ANKRD28: variants seen among roughly 807,000 people sequenced by gnomAD.
ANKRD28 encodes ankyrin repeat domain 28.
A neutral mutation model predicts 126.5 loss-of-function variants in ANKRD28; 44 were observed. The ratio of observed to expected loss-of-function variants is 0.35; its 90% CI spans 0.27 to 0.45. ANKRD28 has a LOEUF of 0.45. ANKRD28 is among the 20% of genes least tolerant of loss of function. The probability of loss-of-function intolerance (pLI) is 1.00; values close to 1 mark genes in which losing one functional copy is unlikely to be tolerated. For missense variants in ANKRD28, 1,110 were observed against 1,316.6 expected, an observed-to-expected ratio of 0.84 and a Z score of 2.43; for synonymous variants, 442 against 468.5, an observed-to-expected ratio of 0.94 and a Z score of 0.73.
intron 14 of ANKRD28, among the ~76,000 whole-genome samples, chr3:15,697,538 T>C (rs2069822749): frequency 6.6e-6 from 1 of 152,134 alleles, no homozygotes; most frequent in Non-Finnish European, 1.5e-5. Context: ...GTTCTGTTTA[T>C]GTGATGGATT....
At chr3:15,729,103 G>C (rs1046240703) in intron 6 of ANKRD28, among the ~76,000 whole-genome samples, 2 of 152,170 alleles carry the variant, frequency 1.3e-5, no homozygotes, top group Non-Finnish European at 2.9e-5. Flanking sequence ...GACTGATGTT[G>C]CTTTCATCCA....
chr3:15,835,319 C>T (rs956902569), intron 1 of ANKRD28, among the ~76,000 whole-genome samples: 17 of 152,148 alleles, frequency 1.1e-4, no homozygotes, highest in African/African-American at 4.1e-4. Context: ...ATCATGGTTC[C>T]CATTCTACAA....
chr3:15,721,148 G>A (rs1336707222), intron 7 of ANKRD28, 21 bp from the exon 8 acceptor site: 9 of 1,590,182 alleles, frequency 5.7e-6, no homozygotes, highest in Non-Finnish European at 7.7e-6. Context: ...GGAAAAAAAT[G>A]CGAATGTTAA....
At chr3:15,805,527 T>C (rs116174127) in intron 1 of ANKRD28, among the ~76,000 whole-genome samples, 288 of 152,334 alleles carry the variant, frequency 1.9e-3, no homozygotes, top group African/African-American at 6.5e-3. Context: ...ACACATTCTC[T>C]GAAATCTACA....
At chr3:15,670,746 G>A (rs1194906697) in intron 27 of ANKRD28, among the ~76,000 whole-genome samples, 190 bp from the exon 28 acceptor site, 1 of 152,178 alleles carries the variant, frequency 6.6e-6, no homozygotes, top group African/African-American at 2.4e-5. Context: ...AACCTAGGGT[G>A]GAAGGGGATG....
rs57072807 is a variant in ANKRD28 at position 15,767,700 on chromosome 3, T to TAAAA, written c.202-1392_202-1389dup. Among the ~76,000 whole-genome samples the TAAAA allele has an allele frequency of 6.7e-4, 43 of 64,354 alleles. 2 individuals are homozygous for TAAAA. Among genetic ancestry groups the TAAAA allele is most frequent in the Non-Finnish European group, 8.7e-4 (30 of 34,346 alleles). The allele number at this position is 64,354 out of a possible 152,430, so 42.2% of individuals were successfully genotyped here. ...TAACACAATGAAACCTAGTCTCTACTAAAAAAAAAAAAAAAAAAAAAAAAA... is the reference window on the plus strand; with the variant it reads ...TAACACAATGAAACCTAGTCTCTACTAAAAAAAAAAAAAAAAAAAAAAAAAAAAA... On this transcript the variant is annotated intron_variant, in intron 2 of 27. Transcript: ENST00000683139.
chr3:15,855,112 C>G (rs2061735731), intron 1 of ANKRD28, among the ~76,000 whole-genome samples: 1 of 152,140 alleles, frequency 6.6e-6, no homozygotes, highest in Non-Finnish European at 1.5e-5. Flanking sequence ...ACCTGAATAT[C>G]TGGGCATCAG....
intron 2 of ANKRD28, among the ~76,000 whole-genome samples, chr3:15,770,389 C>T (rs2058938530): frequency 6.8e-6 from 1 of 148,072 alleles, no homozygotes; most frequent in South Asian, 2.1e-4. Context: ...TTAATAATTA[C>T]TATGTATTGA....
At chr3:15,829,840 G>C (rs1465112462) in intron 1 of ANKRD28, among the ~76,000 whole-genome samples, 1 of 151,082 alleles carries the variant, frequency 6.6e-6, no homozygotes, top group Non-Finnish European at 1.5e-5. Context: ...AGTTCACTTT[G>C]TTCCTTTTCA....
At chr3:15,687,710 T>C (rs2068300478) in intron 18 of ANKRD28, among the ~76,000 whole-genome samples, 1 of 152,048 alleles carries the variant, frequency 6.6e-6, no homozygotes. Flanking sequence ...CCTACCCTAG[T>C]CCAATCTGTA....
At chr3:15,711,125 G>A in intron 12 of ANKRD28, 86 bp downstream of exon 12, 1 of 1,186,082 alleles carries the variant, frequency 8.4e-7, no homozygotes, top group South Asian at 1.5e-5. Flanking sequence ...TGGCAGCCCA[G>A]AATTAATAAA....
At chr3:15,763,177 C>T (rs1345546210) in intron 3 of ANKRD28, among the ~76,000 whole-genome samples, 3 of 152,238 alleles carry the variant, frequency 2.0e-5, no homozygotes, top group Non-Finnish European at 4.4e-5. Context: ...TAGAGCCTAA[C>T]TGGTAAGTCT....
At chr3:15,691,022 A>G (rs1027830336) in intron 17 of ANKRD28, among the ~76,000 whole-genome samples, 2 of 152,248 alleles carry the variant, frequency 1.3e-5, no homozygotes, top group African/African-American at 2.4e-5. Context: ...TAATTCTTTT[A>G]GCAAAGAAAT....
chr3:15,794,370 C>A (rs2060178684), intron 2 of ANKRD28, among the ~76,000 whole-genome samples: 1 of 151,270 alleles, frequency 6.6e-6, no homozygotes, highest in African/African-American at 2.4e-5. Context: ...AATGAGCTTG[C>A]AATGGGTGCT....
chr3:15,671,804 C>T (rs2066393550), intron 27 of ANKRD28, among the ~76,000 whole-genome samples: 1 of 151,932 alleles, frequency 6.6e-6, no homozygotes, highest in South Asian at 2.1e-4. Context: ...AGGCTGGTCT[C>T]AAACTCCTGG....
chr3:15,809,180 T>A (rs185593663), intron 1 of ANKRD28, among the ~76,000 whole-genome samples: 1 of 152,188 alleles, frequency 6.6e-6, no homozygotes. Flanking sequence ...TCTCCCACTT[T>A]TAGTCAGTCA....
At chr3:15,692,144 T>TAAAAAAA (rs908039642) in intron 17 of ANKRD28, among the ~76,000 whole-genome samples, 1 of 98,880 alleles carries the variant, frequency 1.0e-5, no homozygotes. Context: ...TATCTCTAAA[T>TAAAAAAA]AAAAAAAAAA....
At chr3:15,824,083 C>T (rs1263619527) in intron 1 of ANKRD28, among the ~76,000 whole-genome samples, 1 of 152,194 alleles carries the variant, frequency 6.6e-6, no homozygotes, top group Non-Finnish European at 1.5e-5. Context: ...AAATAAAAGC[C>T]ATTCAAATTG....
chr3:15,729,388 C>A (rs2074413227), intron 6 of ANKRD28, among the ~76,000 whole-genome samples: 1 of 152,182 alleles, frequency 6.6e-6, no homozygotes, highest in Admixed American at 6.5e-5. Flanking sequence ...CAGATCCAAC[C>A]TTTCCTGACC....
Sources: allele counts gnomAD v4.1 joint callset (sites outside exome capture counted in the v4.1 genomes callset), GRCh38; gene constraint gnomAD v4.1.1; transcripts MANE v1.5; gene names NCBI Gene and HGNC (gene_info 2026-07-23, HGNC 2026-07-21).